Variants in RYR3 observed in about 807,000 individuals in gnomAD.
RYR3 encodes the protein ryanodine receptor 3.
A neutral mutation model predicts 584.3 loss-of-function variants in RYR3; 207 were observed. The ratio of observed to expected loss-of-function variants is 0.35; its 90% CI spans 0.32 to 0.40. The LOEUF is 0.40. Ranked by LOEUF, RYR3 falls within the 10% of genes least tolerant of loss-of-function variation. RYR3 has a pLI of 1.00. For missense variants in RYR3, 5,616 were observed against 6,089.2 expected (o/e 0.92, Z 2.59); for synonymous variants, 2,416 against 2,248.5 (o/e 1.07, Z -2.11).
intron 7 of RYR3, among the ~76,000 whole-genome samples, chr15:33,541,489 A>G (rs921638427): frequency 3.9e-5 from 6 of 152,184 alleles, no homozygotes; most frequent in African/African-American, 1.4e-4. Flanking sequence ...AAGTTGTGTA[A>G]TAAATGTACT....
intron 75 of RYR3, among the ~76,000 whole-genome samples, chr15:33,818,015 G>A (rs991562247): frequency 2.6e-5 from 4 of 152,228 alleles, no homozygotes; most frequent in Non-Finnish European, 5.9e-5. Flanking sequence ...CTCCAGGATG[G>A]CAGCTCTCAG....
chr15:33,365,743 G>A (rs895573179), intron 1 of RYR3, among the ~76,000 whole-genome samples: 1 of 152,162 alleles, frequency 6.6e-6, no homozygotes, highest in Non-Finnish European at 1.5e-5. Flanking sequence ...GGGATAGGAG[G>A]AAACTTTGGG....
At chr15:33,771,178 T>G (rs1430585144) in intron 62 of RYR3, among the ~76,000 whole-genome samples, 1 of 152,230 alleles carries the variant, frequency 6.6e-6, no homozygotes, top group Non-Finnish European at 1.5e-5. Context: ...CTTATTTCCT[T>G]GCTCTTTTCC....
chr15:33,551,374 C>T (rs753189055), intron 10 of RYR3, among the ~76,000 whole-genome samples: 2 of 152,206 alleles, frequency 1.3e-5, no homozygotes, highest in African/African-American at 2.4e-5. Context: ...TTCTGTTCAT[C>T]TAGGACTAGG....
chr15:33,863,411 G>T (rs568347239), intron 102 of RYR3, among the ~76,000 whole-genome samples: 46 of 152,096 alleles, frequency 3.0e-4, no homozygotes, highest in Admixed American at 6.5e-4. Flanking sequence ...AAGATCTGGG[G>T]CTTAGACTCT....
At chr15:33,847,145 C>T (rs192258203) in intron 93 of RYR3, 1 of 152,238 alleles carries the variant, frequency 6.6e-6, no homozygotes, top group Non-Finnish European at 1.5e-5. Flanking sequence ...TGAGCTTTGC[C>T]TCACCTCCCA....
intron 48 of RYR3, among the ~76,000 whole-genome samples, chr15:33,734,648 T>G (rs2069256034): frequency 6.6e-6 from 1 of 152,038 alleles, no homozygotes; most frequent in Non-Finnish European, 1.5e-5. Flanking sequence ...CTGCAAATAT[T>G]TCTAAAGAAT....
chr15:33,546,146 G>A (rs1295052232), intron 8 of RYR3, among the ~76,000 whole-genome samples: 1 of 152,178 alleles, frequency 6.6e-6, no homozygotes, highest in African/African-American at 2.4e-5. Flanking sequence ...AATGGAGCAA[G>A]CCGCCCAAAT....
In RYR3 at chr15:33,848,422, G is replaced by C; in HGVS notation, c.13628+1G>C. On this transcript the variant is annotated splice_donor_variant, in intron 94 of 103. Coordinates refer to ENST00000634891, the MANE Select transcript of RYR3 (RefSeq NM_001036.6). LOFTEE classifies it high-confidence loss of function. Reference sequence around the variant, plus strand: ...GGGACCGCTTGGTGATCAACACACCGTGAGTGTCCCTCTACCCCAACCTAA... The same window carrying C: ...GGGACCGCTTGGTGATCAACACACCCTGAGTGTCCCTCTACCCCAACCTAA... The C allele has an allele frequency of 1.2e-6, 2 of 1,611,274 alleles. No individual in the cohort carries two copies. Among genetic ancestry groups the C allele is most frequent in the Non-Finnish European group, 1.7e-6 (2 of 1,179,250 alleles).
In RYR3 at chr15:33,825,621, A is replaced by G. The variant is rs748741557; in HGVS notation, c.11091A>G (p.Ala3697=). Residue 3697 remains alanine, a synonymous_variant, in exon 82 of 104, where the codon GCA becomes GCG. Coordinates refer to ENST00000634891, the MANE Select transcript of RYR3 (RefSeq NM_001036.6). ...MQSCSVLDLN[A]FERQNKAEGL... ...TTAAAAGTGTCCTTGATTTGAATGCATTTGAGAGGCAGAATAAAGCTGAAG... is the reference window on the plus strand; with the variant it reads ...TTAAAAGTGTCCTTGATTTGAATGCGTTTGAGAGGCAGAATAAAGCTGAAG... The G allele has an allele frequency of 4.3e-6, 7 of 1,612,010 alleles. No individual in the cohort carries two copies. The highest frequency in any genetic ancestry group is 5.1e-6 in the Non-Finnish European group (6 of 1,178,518).
At chr15:33,424,441 T>C (rs1046377616) in intron 1 of RYR3, among the ~76,000 whole-genome samples, 1 of 152,200 alleles carries the variant, frequency 6.6e-6, no homozygotes, top group African/African-American at 2.4e-5. Context: ...ATTTCTGTTT[T>C]CTCAAAACAA....
At chr15:33,417,667 C>T (rs921140473) in intron 1 of RYR3, among the ~76,000 whole-genome samples, 1 of 152,010 alleles carries the variant, frequency 6.6e-6, no homozygotes, top group African/African-American at 2.4e-5. Flanking sequence ...TATTCGTATG[C>T]CTTTTATTTA....
chr15:33,444,213 A>G (rs748780045), intron 1 of RYR3, among the ~76,000 whole-genome samples: 8 of 152,218 alleles, frequency 5.3e-5, no homozygotes, highest in Non-Finnish European at 1.2e-4. Context: ...CCTGTTGTAG[A>G]CAGGTGACAC....
Position 33,861,085 on chromosome 15 carries a change from G to A in RYR3, c.14372G>A (p.Cys4791Tyr). Residue 4791 changes from cysteine to tyrosine, a missense_variant, in exon 102 of 104, where the codon TGT (cysteine) becomes TAT (tyrosine). Physicochemically the swap from Cys to Tyr is radical, Grantham distance 194. This residue lies in a region of RYR3 where 918 missense variants were observed against 887.4 expected (regional missense o/e 1.03). Coordinates refer to ENST00000634891, the MANE Select transcript of RYR3 (RefSeq NM_001036.6). ...GCCTGTTATTTTTCTTAGACTAAAT[G>A]TTTCATCTGTGGGATTGGCAATGAC... ...EQVREDMETK[C>Y]FICGIGNDYF... 6.3e-7 allele frequency: 1 copy of A among 1,585,252 alleles called. No individual in the cohort carries two copies. Among genetic ancestry groups the A allele is most frequent in the African/African-American group, 1.3e-5 (1 of 74,618 alleles).
At chr15:33,765,385 C>G (rs1029188424) in intron 60 of RYR3, among the ~76,000 whole-genome samples, 4 of 152,114 alleles carry the variant, frequency 2.6e-5, no homozygotes, top group African/African-American at 9.7e-5. Flanking sequence ...GTAATCCCAG[C>G]ACTTTGGGAG....
chr15:33,669,849 G>T lies in RYR3; in HGVS notation c.5722+393G>T, dbSNP rs1296554038. On this transcript the variant is annotated intron_variant, in intron 37 of 103. Coordinates refer to ENST00000634891, the MANE Select transcript of RYR3 (RefSeq NM_001036.6). ...TATTAGGGGTGTGTGTGTGTGGGGG[G>T]GGGGGGGGGTGTGGGTGTGTGGGTG... 7.5e-4 allele frequency among the ~76,000 whole-genome samples: 38 copies of T among 50,334 alleles called. 3 individuals carry two copies. Among genetic ancestry groups the T allele is most frequent in the African/African-American group, 1.4e-3 (24 of 17,584 alleles). 33.0% of individuals were successfully genotyped at this position (50,334 alleles called of 152,430 possible). A position where few individuals can be genotyped will look rare whatever the true frequency, so the allele number is the denominator to read the frequency against.
Position 33,838,778 on chromosome 15 carries a change from C to G in RYR3, c.12798C>G (p.His4266Gln). ...MEPGITTELV[H>Q]FIKGEKGDTD... ...CAGGTATCACCACTGAACTAGTACA[C>G]TTCATAAAGGGGGAGAAGGGAGATA... The change falls in exon 89 of 104, where the codon CAC becomes CAG. Residue 4266 changes from histidine to glutamine, a missense_variant. This residue lies in a region of RYR3 where 918 missense variants were observed against 887.4 expected (regional missense o/e 1.03). Coordinates refer to ENST00000634891, the MANE Select transcript of RYR3 (RefSeq NM_001036.6). 6.2e-7 allele frequency: 1 copy of G among 1,613,898 alleles called. No homozygotes were observed. The highest frequency in any genetic ancestry group is 8.5e-7 in the Non-Finnish European group (1 of 1,179,866).
intron 18 of RYR3, among the ~76,000 whole-genome samples, chr15:33,607,521 C>G (rs1380131519): frequency 6.6e-6 from 1 of 152,078 alleles, no homozygotes; most frequent in Admixed American, 6.6e-5. Flanking sequence ...TGAGGCTGCT[C>G]TTAGAAAAGC....
At chr15:33,852,556 G>A (rs1232474758) in intron 94 of RYR3, 1 of 156,598 alleles carries the variant, frequency 6.4e-6, no homozygotes, top group Non-Finnish European at 1.4e-5. Flanking sequence ...ATAAACTAAA[G>A]GTGATTCCCA....
Sources: gnomAD v4.1 joint callset for allele counts (sites outside exome capture counted in the v4.1 genomes callset) on GRCh38, gnomAD v4.1.1 for gene constraint, gnomAD v4.1.1 regional missense constraint, MANE v1.5 for transcripts, NCBI Gene and HGNC (gene_info 2026-07-23, HGNC 2026-07-21) for gene names.